Variants in ARHGAP39 observed in about 807,000 individuals in gnomAD.
ARHGAP39 encodes the protein rho GTPase-activating protein 39.
Under a neutral mutation model 106.9 loss-of-function variants are expected in ARHGAP39, and 44 were observed. The ratio of observed to expected loss-of-function variants is 0.41; its 90% CI spans 0.32 to 0.53. ARHGAP39 has a LOEUF of 0.53. Ranked by LOEUF, ARHGAP39 falls within the 20% of genes least tolerant of loss-of-function variation. The pLI is 0.21. For synonymous variants in ARHGAP39, 768 were observed against 693.2 expected (o/e 1.11, Z -1.69); for missense variants, 1,496 against 1,577.3 (o/e 0.95, Z 0.87).
chr8:144,552,222 G>A (rs7001571), intron 4 of ARHGAP39, among the ~76,000 whole-genome samples: 6,470 of 152,354 alleles, frequency 0.042, 444 homozygotes, highest in African/African-American at 0.15. Context: ...TAAGGGCCCT[G>A]AGGGCTGCTT....
rs1416065996 is a variant in ARHGAP39, at chr8:144,670,150, C to T, written c.-82+15536G>A. Among the ~76,000 whole-genome samples, 2 of 152,162 alleles carry T rather than the reference C, an allele frequency of 1.3e-5. No individual in the cohort carries two copies. The highest frequency in any genetic ancestry group is 6.5e-5 in the Admixed American group (1 of 15,282). On this transcript the variant is annotated intron_variant, in intron 1 of 11. Coordinates refer to ENST00000377307, the MANE Select transcript of ARHGAP39 (RefSeq NM_025251.3). This position sits in a 1 kb window ranked among gnomAD's most constrained non-coding sequence, Gnocchi z 4.4. The stretch of plus-strand genomic sequence containing the variant: ...AGCTCGGATGCATGCTAGAGCGTAC[C>T]GGGAAGCAGGATCAGGGCCTGGGAC...
chr8:144,691,550 C>G, the ARHGAP39 span, among the ~76,000 whole-genome samples: 2 of 152,070 alleles, frequency 1.3e-5, no homozygotes, highest in African/African-American at 4.8e-5. Context: ...CAATTTATCC[C>G]CTAGTGTGCA....
chr8:144,676,083 C>A (rs1822230095), intron 1 of ARHGAP39, among the ~76,000 whole-genome samples: 1 of 152,188 alleles, frequency 6.6e-6, no homozygotes, highest in South Asian at 2.1e-4. Context: ...AAAGAGTGAG[C>A]ACCAGCAAGA....
intron 1 of ARHGAP39, among the ~76,000 whole-genome samples, chr8:144,627,536 C>CA (rs1302473482): frequency 2.6e-5 from 3 of 117,596 alleles, no homozygotes; most frequent in African/African-American, 1.0e-4. Flanking sequence ...GCCTGGGAGA[C>CA]AGAGTGAGAC....
Position 144,532,315 on chromosome 8 carries a change from G to A in ARHGAP39, c.2970C>T (p.Pro990=), listed in dbSNP as rs1202066661. 3.7e-6 allele frequency: 6 copies of A among 1,612,818 alleles called. No individual in the cohort carries two copies. The East Asian group carries it at 1.3e-4, about 36-fold the overall frequency. ...GTGTGGGGGACTCACCAGGGACGTG[G>A]GGGTCTTCCAGGCCTGTGGGCACCT... ...QWKVPTGLED[P]HVPASLLKLW... is the part of the protein sequence containing the mutation. Residue 990 remains proline (P), a synonymous_variant, in exon 10 of 12, where the codon CCC becomes CCT. Coordinates refer to ENST00000377307, the MANE Select transcript of ARHGAP39 (RefSeq NM_025251.3).
chr8:144,687,026 G>T (rs868025580), upstream of ARHGAP39, among the ~76,000 whole-genome samples: 7 of 38,194 alleles, frequency 1.8e-4, no homozygotes, highest in East Asian at 1.9e-3. Flanking sequence ...CCGTGACCAC[G>T]CACTGGCGGC....
chr8:144,537,428 C>T (rs1282515245), intron 7 of ARHGAP39, among the ~76,000 whole-genome samples: 3 of 152,112 alleles, frequency 2.0e-5, no homozygotes, highest in African/African-American at 7.2e-5. Flanking sequence ...CCTGGGGGCA[C>T]CTCCAGGAGC....
intron 1 of ARHGAP39, among the ~76,000 whole-genome samples, chr8:144,626,536 G>T (rs1406902057): frequency 3.7e-5 from 4 of 108,866 alleles, no homozygotes; most frequent in East Asian, 2.7e-4. Context: ...CACTGCGGCA[G>T]CCCCTGTCCC....
At chr8:144,531,126 G>A (rs1426331406) in intron 10 of ARHGAP39, among the ~76,000 whole-genome samples, 1 of 152,272 alleles carries the variant, frequency 6.6e-6, no homozygotes, top group African/African-American at 2.4e-5. Context: ...TTTCTCAGGA[G>A]TCGTCTGTGT....
chr8:144,658,147 T>G (rs574404707), intron 1 of ARHGAP39, among the ~76,000 whole-genome samples: 20 of 152,288 alleles, frequency 1.3e-4, no homozygotes, highest in African/African-American at 4.6e-4. Context: ...TTTGCTCTTT[T>G]TGCCCAGGCT....
Position 144,623,630 on chromosome 8 carries a change from A to C in ARHGAP39, c.-81-17935T>G, listed in dbSNP as rs1403993381. Reference sequence around the variant, plus strand: ...CACCCGACGTCTGCAGCGACAGAGGAGATGGTACAAGAAGCCTTGCTTTAC... The same window carrying C: ...CACCCGACGTCTGCAGCGACAGAGGCGATGGTACAAGAAGCCTTGCTTTAC... On this transcript the variant is annotated intron_variant, in intron 1 of 11. Transcript: ENST00000377307. Among the ~76,000 whole-genome samples the C allele has an allele frequency of 3.3e-5, 5 of 152,210 alleles. No individual in the cohort carries two copies. In the East Asian group the frequency reaches 9.6e-4, roughly 29 times the overall value.
chr8:144,630,956 A>C (rs575726102), intron 1 of ARHGAP39, among the ~76,000 whole-genome samples: 74 of 152,406 alleles, frequency 4.9e-4, no homozygotes, highest in African/African-American at 1.7e-3. Context: ...ACGGTTCTGC[A>C]GGCTGTACAG....
intron 1 of ARHGAP39, among the ~76,000 whole-genome samples, chr8:144,616,046 G>A (rs1820627461): frequency 6.6e-6 from 1 of 152,216 alleles, no homozygotes; most frequent in Non-Finnish European, 1.5e-5. Flanking sequence ...CACCCCACAC[G>A]GAAAGGACGG....
intron 3 of ARHGAP39, among the ~76,000 whole-genome samples, chr8:144,577,570 A>C (rs1335995701): frequency 6.6e-6 from 1 of 152,238 alleles, no homozygotes; most frequent in East Asian, 1.9e-4. Flanking sequence ...TCCAAATTGG[A>C]AAGGAAGATG....
At chr8:144,572,176 C>T (rs1443229866) in intron 3 of ARHGAP39, among the ~76,000 whole-genome samples, 1 of 152,156 alleles carries the variant, frequency 6.6e-6, no homozygotes, top group East Asian at 1.9e-4. Context: ...CAAGACAATC[C>T]TAAGCAAAAA....
intron 6 of ARHGAP39, among the ~76,000 whole-genome samples, chr8:144,542,853 C>T (rs1013924810): frequency 1.3e-5 from 2 of 151,364 alleles, no homozygotes; most frequent in Non-Finnish European, 2.9e-5. Flanking sequence ...GCAGGACAAT[C>T]GCTTGAACCC....
intron 1 of ARHGAP39, among the ~76,000 whole-genome samples, chr8:144,676,652 C>T (rs1345209616): frequency 2.0e-5 from 3 of 152,264 alleles, no homozygotes; most frequent in Admixed American, 6.5e-5. Flanking sequence ...TGGGACTTCA[C>T]GGCACCTAGC....
Position 144,640,359 on chromosome 8 carries a change from G to T in ARHGAP39, c.-81-34664C>A, listed in dbSNP as rs115734152. ...TGGGAGATAATTGAATCATAGGGGT[G>T]GGTCTTTCCCATGCTGTTTTCGTGA... On this transcript the variant is annotated intron_variant, in intron 1 of 11. Coordinates refer to ENST00000377307, the MANE Select transcript of ARHGAP39 (RefSeq NM_025251.3). Among the ~76,000 whole-genome samples, 504 of 152,210 alleles carry T rather than the reference G, an allele frequency of 3.3e-3. 3 individuals are homozygous for T. The highest frequency in any genetic ancestry group is 0.012 in the African/African-American group (485 of 41,524).
rs1208415808 is a variant in ARHGAP39 at position 144,670,187 on chromosome 8, A to C, written c.-82+15499T>G. Among the ~76,000 whole-genome samples, 3 of 152,080 alleles carry C rather than the reference A, an allele frequency of 2.0e-5. No homozygotes were observed. Among genetic ancestry groups the C allele is most frequent in the East Asian group, 3.9e-4 (2 of 5,190 alleles). On this transcript the variant is annotated intron_variant, in intron 1 of 11. Coordinates refer to ENST00000377307, the MANE Select transcript of ARHGAP39 (RefSeq NM_025251.3). This position sits in a 1 kb window ranked among gnomAD's most constrained non-coding sequence, Gnocchi z 4.4. ...TCAGGGCCTGGGACCAGGCGGCTGT[A>C]AAAAGCAACAGAGCTCGGACGCATG... is the stretch of plus-strand genomic sequence containing the variant.
Sources: gnomAD v4.1 joint callset for allele counts (sites outside exome capture counted in the v4.1 genomes callset) on GRCh38, gnomAD v4.1.1 for gene constraint, Gnocchi (gnomAD v3.1) non-coding constraint, MANE v1.5 for transcripts, NCBI Gene and HGNC (gene_info 2026-07-23, HGNC 2026-07-21) for gene names.